BACE2: variants seen among roughly 807,000 people sequenced by gnomAD.
The protein encoded by BACE2 is beta-secretase 2.
A neutral mutation model predicts 46.2 loss-of-function variants in BACE2; 17 were observed. The ratio of observed to expected loss-of-function variants is 0.37; its 90% CI spans 0.25 to 0.55. BACE2 has a LOEUF of 0.55. BACE2 is among the 20% of genes least tolerant of loss of function. The pLI is 0.82. For synonymous variants in BACE2, 277 were observed against 295.9 expected (o/e 0.94, Z 0.66); for missense variants, 595 against 698.1 (o/e 0.85, Z 1.66).
chr21:41,241,652 G>C (rs1008326895), intron 3 of BACE2, 167 bp from the exon 4 acceptor site: 8 of 676,956 alleles, frequency 1.2e-5, no homozygotes, highest in Admixed American at 6.3e-5. Context: ...AGCTCTGCTG[G>C]GGCTTTCTGA....
chr21:41,226,491 C>CAT, intron 2 of BACE2, 137 bp downstream of exon 2: 5 of 698,558 alleles, frequency 7.2e-6, no homozygotes, highest in Non-Finnish European at 1.2e-5. Context: ...TATGTATACA[C>CAT]ACATGTGGAC....
intron 1 of BACE2, chr21:41,183,078 A>G (rs7278659): frequency 0.97 from 161,112 of 166,792 alleles, 77,885 homozygotes; most frequent in East Asian, 1. Context: ...TCATTCTATA[A>G]CTGAGAACCA....
At chr21:41,260,800 A>G (rs1017759845) in intron 8 of BACE2, among the ~76,000 whole-genome samples, 1 of 152,186 alleles carries the variant, frequency 6.6e-6, no homozygotes, top group African/African-American at 2.4e-5. Context: ...CGACGCAGGT[A>G]AATGCCAGGA....
intron 6 of BACE2, among the ~76,000 whole-genome samples, chr21:41,250,179 A>G (rs1473329548): frequency 6.6e-6 from 1 of 152,176 alleles, no homozygotes; most frequent in Non-Finnish European, 1.5e-5. Flanking sequence ...TTCTAGTGTT[A>G]CAAGAAGAAG....
intron 8 of BACE2, among the ~76,000 whole-genome samples, chr21:41,269,499 G>T (rs1011582065): frequency 3.3e-5 from 5 of 152,144 alleles, no homozygotes; most frequent in African/African-American, 1.2e-4. Context: ...CCCAGGTCCT[G>T]TGGACCCCAT....
At chr21:41,187,499 C>T (rs1457576635) in intron 1 of BACE2, among the ~76,000 whole-genome samples, 3 of 152,140 alleles carry the variant, frequency 2.0e-5, no homozygotes, top group East Asian at 1.9e-4. Context: ...TACCACTGCA[C>T]GTATTTGAGA....
chr21:41,212,150 T>TA (rs1325189847), intron 1 of BACE2, among the ~76,000 whole-genome samples: 6 of 152,244 alleles, frequency 3.9e-5, no homozygotes, highest in African/African-American at 1.4e-4. Context: ...ATGTATTTCT[T>TA]ACAGTTTTGG....
In BACE2 at chr21:41,281,493, C is replaced by G. The variant is rs941672998; in HGVS notation, c.*5869C>G. On this transcript the variant is annotated 3_prime_UTR_variant, in exon 9 of 9. Coordinates refer to ENST00000330333, the MANE Select transcript of BACE2 (RefSeq NM_012105.5). ...GAATATCATAAGCAGGGAAGTGTCT[C>G]CAAAGGTCAGGACATATGTTTTTCT... The G allele has an allele frequency of 2.0e-5, 3 of 152,158 alleles. No individual in the cohort carries two copies. Among genetic ancestry groups the G allele is most frequent in the Admixed American group, 2.0e-4 (3 of 15,284 alleles). The allele number at this position is 152,158 out of a possible 1,614,324, so 9.4% of individuals were successfully genotyped here.
chr21:41,190,402 C>T (rs1485464821), intron 1 of BACE2, among the ~76,000 whole-genome samples: 1 of 152,200 alleles, frequency 6.6e-6, no homozygotes, highest in Non-Finnish European at 1.5e-5. Context: ...TCTTATGTCA[C>T]ATGCTAAAGG....
At chr21:41,250,539 T>A (rs542832289) in intron 6 of BACE2, among the ~76,000 whole-genome samples, 127 of 152,346 alleles carry the variant, frequency 8.3e-4, no homozygotes, top group African/African-American at 3.0e-3. Flanking sequence ...ATACTAGTAC[T>A]AGTAGGTACT....
intron 8 of BACE2, among the ~76,000 whole-genome samples, chr21:41,267,428 C>G (rs1251467339): frequency 6.6e-6 from 1 of 152,152 alleles, no homozygotes; most frequent in Non-Finnish European, 1.5e-5. Context: ...TTTAGTGTAT[C>G]CAAAGCTTAT....
intron 1 of BACE2, among the ~76,000 whole-genome samples, chr21:41,209,125 G>A (rs1986220871): frequency 6.6e-6 from 1 of 152,216 alleles, no homozygotes; most frequent in African/African-American, 2.4e-5. Context: ...ACACCGCCAG[G>A]CCATGGAGAT....
chr21:41,221,611 G>A (rs1986650453), intron 1 of BACE2, among the ~76,000 whole-genome samples: 1 of 152,140 alleles, frequency 6.6e-6, no homozygotes. Flanking sequence ...GGATCACGAG[G>A]TCAGGAGATC....
At chr21:41,266,470 CAT>C (rs781696295) in intron 8 of BACE2, among the ~76,000 whole-genome samples, 4 of 152,202 alleles carry the variant, frequency 2.6e-5, no homozygotes, top group Non-Finnish European at 5.9e-5. Context: ...AGCAATTTTG[CAT>C]ATGTTTCTGC....
chr21:41,276,571 A>G lies in BACE2; in HGVS notation c.*947A>G, dbSNP rs1230280407. On this transcript the variant is annotated 3_prime_UTR_variant, in exon 9 of 9. Coordinates refer to ENST00000330333, the MANE Select transcript of BACE2 (RefSeq NM_012105.5). ...TACTCTTGCTTAAAATTAATAAATC[A>G]TGTTTTGATGAGAAAAAACTATTCT... 1.3e-5 allele frequency: 2 copies of G among 152,124 alleles called. No individual in the cohort carries two copies. The highest frequency in any genetic ancestry group is 2.4e-5 in the African/African-American group (1 of 41,412). The allele number at this position is 152,124 out of a possible 1,614,324, so 9.4% of individuals were successfully genotyped here.
chr21:41,168,452 C>T lies in BACE2; in HGVS notation c.189C>T (p.Ala63=). The T allele has an allele frequency of 3.6e-6, 5 of 1,399,108 alleles. No homozygotes were observed. Among genetic ancestry groups the T allele is most frequent in the Non-Finnish European group, 3.7e-6 (4 of 1,074,006 alleles). The allele number at this position is 1,399,108 out of a possible 1,614,324, so 86.7% of individuals were successfully genotyped here. Residue 63 remains alanine, a synonymous_variant, in exon 1 of 9, where the codon GCC becomes GCT. Transcript: ENST00000330333. ...AERHADGLAL[A]LEPALASPAG... ...GCCACGCCGACGGCTTGGCGCTCGC[C>T]CTGGAGCCTGCCCTGGCGTCCCCCG...
intron 8 of BACE2, among the ~76,000 whole-genome samples, chr21:41,257,814 G>A (rs1467639607): frequency 3.3e-5 from 5 of 152,174 alleles, no homozygotes; most frequent in African/African-American, 4.8e-5. Context: ...ATGTGTGAGG[G>A]CAGCCCGCAG....
chr21:41,202,818 A>G (rs1417552425), intron 1 of BACE2, among the ~76,000 whole-genome samples: 2 of 152,162 alleles, frequency 1.3e-5, no homozygotes, highest in East Asian at 1.9e-4. Context: ...CTGGTTAAAC[A>G]TATGGATTCC....
intron 1 of BACE2, chr21:41,184,852 G>A (rs1640220871): frequency 6.0e-6 from 1 of 167,012 alleles, no homozygotes; most frequent in African/African-American, 2.4e-5. Flanking sequence ...ATAAAAGCCT[G>A]TACATAAGGG....
Sources: allele counts gnomAD v4.1 joint callset (sites outside exome capture counted in the v4.1 genomes callset), GRCh38; gene constraint gnomAD v4.1.1; transcripts MANE v1.5; gene names NCBI Gene and HGNC (gene_info 2026-07-23, HGNC 2026-07-21).